The following SPATA21 variants were observed in gnomAD, a reference collection of about 807,000 sequenced individuals.
SPATA21 encodes spermatogenesis-associated protein 21.
In SPATA21, 47 loss-of-function variants were observed where a neutral mutation model predicts 54.8. The ratio of observed to expected loss-of-function variants is 0.86; its 90% CI spans 0.68 to 1.09. The LOEUF is 1.09. Ranked by LOEUF, SPATA21 falls within the 50% of genes least tolerant of loss-of-function variation. The pLI is 0.00. For synonymous variants in SPATA21, 245 were observed against 235.3 expected, an observed-to-expected ratio of 1.04 and a Z score of -0.38; for missense variants, 599 against 596.4, an observed-to-expected ratio of 1.00 and a Z score of -0.05.
chr1:16,432,466 T>C (rs1247536048), intron 2 of SPATA21, among the ~76,000 whole-genome samples: 1 of 152,014 alleles, frequency 6.6e-6, no homozygotes, highest in Admixed American at 6.6e-5. Context: ...TCATCCAACC[T>C]CATGTTCAGC....
chr1:16,415,898 C>G (rs1355926768), intron 5 of SPATA21, among the ~76,000 whole-genome samples: 1 of 152,196 alleles, frequency 6.6e-6, no homozygotes, highest in Non-Finnish European at 1.5e-5. Flanking sequence ...CCAAGTTTTG[C>G]TCCCAGCAGG....
At chr1:16,404,841 T>C in intron 8 of SPATA21, 126 bp downstream of exon 8, 1 of 1,089,454 alleles carries the variant, frequency 9.2e-7, no homozygotes, top group Non-Finnish European at 1.2e-6. Flanking sequence ...ATTTCTAGAC[T>C]GTGACAGTAG....
chr1:16,404,655 A>T (rs2085570097), intron 8 of SPATA21, among the ~76,000 whole-genome samples: 1 of 152,154 alleles, frequency 6.6e-6, no homozygotes, highest in African/African-American at 2.4e-5. Flanking sequence ...TCTACAAAAA[A>T]TAAAAAGTTA....
chr1:16,426,579 A>ATATATATATATAT (rs1401259793), intron 3 of SPATA21, among the ~76,000 whole-genome samples: 41 of 107,158 alleles, frequency 3.8e-4, no homozygotes, highest in Non-Finnish European at 5.6e-4. Context: ...ATATATATAT[A>ATATATATATATAT]TTTTTTTTTT....
intron 12 of SPATA21, 114 bp downstream of exon 12, chr1:16,399,230 G>T: frequency 8.2e-7 from 1 of 1,217,364 alleles, no homozygotes; most frequent in Non-Finnish European, 1.1e-6. Context: ...CCTGGAGCAA[G>T]CAGCCTCTCA....
chr1:16,412,802 C>CT (rs2085889902), intron 5 of SPATA21, among the ~76,000 whole-genome samples: 2 of 150,952 alleles, frequency 1.3e-5, no homozygotes, highest in South Asian at 2.1e-4. Context: ...TTCTTTCTTT[C>CT]TTTTTTTAGA....
At chr1:16,411,542 G>C (rs1318334650) in intron 5 of SPATA21, among the ~76,000 whole-genome samples, 2 of 152,250 alleles carry the variant, frequency 1.3e-5, no homozygotes, top group Admixed American at 1.3e-4. Flanking sequence ...TGTAATCCCA[G>C]CACTTTGGGA....
rs753535280 is a variant in SPATA21 at position 16,409,278 on chromosome 1, G to T, written c.588-75C>A. 1,010 of 1,524,676 alleles carry T rather than the reference G, an allele frequency of 6.6e-4. 1 individual carries two copies. The highest frequency in any genetic ancestry group is 8.6e-4 in the Non-Finnish European group (948 of 1,107,894). 94.4% of individuals were successfully genotyped at this position (1,524,676 alleles called of 1,614,324 possible). On this transcript the variant is annotated intron_variant, in intron 6 of 12. Transcript: ENST00000335496. This position sits in a 1 kb window ranked among gnomAD's most constrained non-coding sequence, Gnocchi z 4.1. Reference sequence around the variant, plus strand: ...GCTGATAGCTAGGGGAGGGGTTGGGGGAGCCTGCAGGAGGAGGTCGTGGGG... The same window carrying T: ...GCTGATAGCTAGGGGAGGGGTTGGGTGAGCCTGCAGGAGGAGGTCGTGGGG...
At chr1:16,427,769 TG>T in intron 3 of SPATA21, 1 of 1,390,934 alleles carries the variant, frequency 7.2e-7, no homozygotes, top group South Asian at 1.5e-5. Context: ...GGAGCTGCCT[TG>T]GCCTGGGAGT....
intron 10 of SPATA21, among the ~76,000 whole-genome samples, chr1:16,402,467 T>C (rs1033740735): frequency 1.1e-4 from 16 of 151,666 alleles, no homozygotes; most frequent in Non-Finnish European, 1.3e-4. Context: ...TTCACCATGT[T>C]AGCCAGGATG....
intron 3 of SPATA21, among the ~76,000 whole-genome samples, chr1:16,429,147 A>AT (rs776020959): frequency 6.3e-4 from 91 of 143,936 alleles, no homozygotes; most frequent in Middle Eastern, 3.5e-3. Flanking sequence ...TTGACTTTTT[A>AT]TTTTTTTTTT....
intron 3 of SPATA21, 73 bp from the exon 4 acceptor site, chr1:16,422,044 G>A: frequency 2.5e-6 from 4 of 1,612,406 alleles, no homozygotes; most frequent in Non-Finnish European, 3.4e-6. Context: ...CTGGGCTCTG[G>A]CGGAGCCTCC....
intron 10 of SPATA21, among the ~76,000 whole-genome samples, chr1:16,403,492 CT>C (rs1202879935): frequency 1.7e-3 from 142 of 83,308 alleles, no homozygotes; most frequent in Admixed American, 3.1e-3. Context: ...TCTTTTTTTT[CT>C]TTTTTTTTTT....
At chr1:16,415,278 C>T (rs1308339278) in intron 5 of SPATA21, among the ~76,000 whole-genome samples, 2 of 152,154 alleles carry the variant, frequency 1.3e-5, no homozygotes, top group African/African-American at 4.8e-5. Flanking sequence ...GCGGAGGTTG[C>T]AGTGAGCCAA....
chr1:16,417,607 T>TTTACAAAAAAA (rs1456263501), intron 5 of SPATA21, among the ~76,000 whole-genome samples: 1 of 151,956 alleles, frequency 6.6e-6, no homozygotes, highest in African/African-American at 2.4e-5. Flanking sequence ...TTTTTGTATT[T>TTTACAAAAAAA]TTAGTAGAGA....
chr1:16,425,850 A>G lies in SPATA21; in HGVS notation c.35-3879T>C, dbSNP rs909520980. 8.6e-6 allele frequency: 7 copies of G among 818,614 alleles called. No individual in the cohort carries two copies. The African/African-American group carries it at 1.2e-4, about 14-fold the overall frequency. The allele number at this position is 818,614 out of a possible 1,614,324, so 50.7% of individuals were successfully genotyped here. A position where few individuals can be genotyped will look rare whatever the true frequency, so the allele number is the denominator to read the frequency against. ...TAACGCCTGGAAGGACCAATGAAGG[A>G]CTCACAGGAATTCCCCAAATCATAG... On this transcript the variant is annotated intron_variant, in intron 3 of 12. Coordinates refer to ENST00000335496, the MANE Select transcript of SPATA21 (RefSeq NM_198546.1).
At chr1:16,437,101 T>C (rs1472463628) in intron 1 of SPATA21, 27 bp downstream of exon 1, 1 of 152,212 alleles carries the variant, frequency 6.6e-6, no homozygotes, top group Admixed American at 6.6e-5. Context: ...TTGTTCACCT[T>C]ACACCCCACC....
In SPATA21 at chr1:16,409,084, T is replaced by G; in HGVS notation, c.673+34A>C. On this transcript the variant is annotated intron_variant, in intron 7 of 12. Transcript: ENST00000335496. This position sits in a 1 kb window ranked among gnomAD's most constrained non-coding sequence, Gnocchi z 4.1. ...ACCCCCAAGGACCAAGGGTCCTGCCTGTGCTGGGACCTCCCTGACCTCCCT... is the reference window on the plus strand; with the variant it reads ...ACCCCCAAGGACCAAGGGTCCTGCCGGTGCTGGGACCTCCCTGACCTCCCT... The G allele has an allele frequency of 6.2e-7, 1 of 1,610,146 alleles. No homozygotes were observed. The highest frequency in any genetic ancestry group is 8.5e-7 in the Non-Finnish European group (1 of 1,176,498).
chr1:16,432,631 G>A (rs2086487802), intron 2 of SPATA21, among the ~76,000 whole-genome samples, 159 bp downstream of exon 2: 1 of 152,040 alleles, frequency 6.6e-6, no homozygotes, highest in African/African-American at 2.4e-5. Flanking sequence ...TCTTCTCCAA[G>A]TTTCCAACCA....
Sources: gnomAD v4.1 joint callset for allele counts (sites outside exome capture counted in the v4.1 genomes callset) on GRCh38, gnomAD v4.1.1 for gene constraint, Gnocchi (gnomAD v3.1) non-coding constraint, MANE v1.5 for transcripts, NCBI Gene and HGNC (gene_info 2026-07-23, HGNC 2026-07-21) for gene names.